Variants in CD99L2 observed in about 807,000 individuals in gnomAD.
CD99L2 encodes the protein CD99 antigen-like protein 2.
A neutral mutation model predicts 27.3 loss-of-function variants in CD99L2; 24 were observed. The observed-to-expected ratio is 0.88, with a 90% confidence interval of 0.64 to 1.24. The LOEUF (loss-of-function observed/expected upper bound fraction) is 1.24, where lower values mean the gene tolerates loss of function less well. Ranked by LOEUF, CD99L2 falls within the 50% of genes most tolerant of loss-of-function variation. The pLI is 0.00. For missense variants in CD99L2, 255 were observed against 221.6 expected, an observed-to-expected ratio of 1.15 and a Z score of -0.96; for synonymous variants, 97 against 87.9, an observed-to-expected ratio of 1.10 and a Z score of -0.58.
At chrX:150,820,470 G>T (rs1483259064) in intron 2 of CD99L2, among the ~76,000 whole-genome samples, 1 of 111,516 alleles carries the variant, frequency 9.0e-6, no homozygotes, top group African/African-American at 3.3e-5. Flanking sequence ...CATTTAGATG[G>T]TTTATTTTGG....
At chrX:150,852,891 G>A (rs2046814574) in intron 1 of CD99L2, among the ~76,000 whole-genome samples, 1 of 111,919 alleles carries the variant, frequency 8.9e-6, no homozygotes, top group South Asian at 3.7e-4. Context: ...TTCACTTTTT[G>A]CTATAATTAT....
Position 150,882,006 on chromosome X carries a change from C to T in CD99L2, c.67+16516G>A, listed in dbSNP as rs782543842. On this transcript the variant is annotated intron_variant, in intron 1 of 10. Transcript: ENST00000370377. ...CTAATTTTTATACTTTTAATAGAGA[C>T]GGGGTTTCACCATGTTGGCCAGGAT... 1.1e-4 allele frequency among the ~76,000 whole-genome samples: 12 copies of T among 109,965 alleles called. No homozygotes were observed. The East Asian group carries it at 2.9e-3, about 26-fold the overall frequency.
At chrX:150,888,874 GTC>G (rs782110150) in intron 1 of CD99L2, among the ~76,000 whole-genome samples, 1 of 111,914 alleles carries the variant, frequency 8.9e-6, no homozygotes, top group Admixed American at 9.5e-5. Flanking sequence ...CCTAGCTGAG[GTC>G]CTAGATACAG....
At chrX:150,834,744 A>G (rs1287432961) in intron 1 of CD99L2, among the ~76,000 whole-genome samples, 2 of 112,199 alleles carry the variant, frequency 1.8e-5, no homozygotes, top group Non-Finnish European at 3.8e-5. Flanking sequence ...GTGTATTAAT[A>G]TCCAAAGGAA....
intron 7 of CD99L2, among the ~76,000 whole-genome samples, chrX:150,793,164 A>G (rs1021082551): frequency 8.9e-6 from 1 of 112,695 alleles, no homozygotes; most frequent in Non-Finnish European, 1.9e-5. Context: ...TTTGACAATG[A>G]CTATGGTTAT....
At chrX:150,788,681 T>A (rs1270184334) in intron 7 of CD99L2, among the ~76,000 whole-genome samples, 2 of 111,815 alleles carry the variant, frequency 1.8e-5, no homozygotes, top group Non-Finnish European at 3.8e-5. Context: ...TAAAAACAGC[T>A]TGAGTCCACG....
intron 7 of CD99L2, among the ~76,000 whole-genome samples, chrX:150,778,859 A>C (rs782602152): frequency 1.4e-4 from 15 of 109,136 alleles, no homozygotes; most frequent in South Asian, 4.0e-4. Flanking sequence ...CAAAAAAAAA[A>C]CAAAAAAATA....
At chrX:150,805,797 A>C (rs2124156330) in intron 4 of CD99L2, among the ~76,000 whole-genome samples, 1 of 111,947 alleles carries the variant, frequency 8.9e-6, no homozygotes, top group Non-Finnish European at 1.9e-5. Context: ...GTCCCAAAAC[A>C]GTATATACTC....
chrX:150,810,104 C>T (rs2046051367), intron 4 of CD99L2, among the ~76,000 whole-genome samples: 1 of 111,880 alleles, frequency 8.9e-6, no homozygotes, highest in East Asian at 2.8e-4. Flanking sequence ...CAATAACTAT[C>T]GAAATCGAAG....
chrX:150,772,982 G>A (rs150780416), intron 9 of CD99L2, among the ~76,000 whole-genome samples: 308 of 112,422 alleles, frequency 2.7e-3, no homozygotes, highest in Middle Eastern at 0.014. Flanking sequence ...GATCCAATTC[G>A]CAAAACCTCA....
At chrX:150,827,466 A>G (rs2046383734) in intron 2 of CD99L2, among the ~76,000 whole-genome samples, 1 of 111,717 alleles carries the variant, frequency 9.0e-6, no homozygotes, top group Non-Finnish European at 1.9e-5. Context: ...GGGATTTTAT[A>G]TATTAAAAAG....
chrX:150,898,444 C>T (rs782216891), intron 1 of CD99L2, 78 bp downstream of exon 1: 82 of 841,107 alleles, frequency 9.7e-5, no homozygotes, highest in Admixed American at 1.1e-4. Flanking sequence ...GGGACCGTGC[C>T]GCTCATGCGC....
rs1000296065 is a variant in CD99L2, at chrX:150,845,741, A to C, written c.68-14448T>G. Among the ~76,000 whole-genome samples, 3 of 111,871 alleles carry C rather than the reference A, an allele frequency of 2.7e-5. No individual in the cohort carries two copies. The Admixed American group carries it at 2.8e-4, about 11-fold the overall frequency. On this transcript the variant is annotated intron_variant, in intron 1 of 10. Transcript: ENST00000370377. ...GTCATACCTGATTACTCCTCCTCCC[A>C]TGGTATAAGGTGGATGGCATGATAG...
At chrX:150,769,148 C>G (rs782220259) in intron 10 of CD99L2, 47 bp from the exon 11 acceptor site, 68 of 1,127,330 alleles carry the variant, frequency 6.0e-5, no homozygotes, top group Non-Finnish European at 7.9e-5. Context: ...CTGTCTTGCA[C>G]AGAAGAAGCA....
intron 7 of CD99L2, among the ~76,000 whole-genome samples, chrX:150,792,783 G>C (rs1047118312): frequency 8.9e-6 from 1 of 112,001 alleles, no homozygotes; most frequent in African/African-American, 3.2e-5. Context: ...TTACAATCAC[G>C]ACAGGTTACA....
At chrX:150,866,609 T>C (rs1453068031) in intron 1 of CD99L2, among the ~76,000 whole-genome samples, 2 of 111,667 alleles carry the variant, frequency 1.8e-5, no homozygotes, top group African/African-American at 3.3e-5. Context: ...TGCAAAAATA[T>C]AGTTAGAAAG....
intron 1 of CD99L2, among the ~76,000 whole-genome samples, chrX:150,888,676 T>G (rs1192643690): frequency 8.9e-6 from 1 of 112,701 alleles, no homozygotes; most frequent in Admixed American, 9.4e-5. Context: ...TCTACTGGAA[T>G]GTTCATGCTT....
At chrX:150,835,567 T>C (rs2046514345) in intron 1 of CD99L2, among the ~76,000 whole-genome samples, 1 of 110,928 alleles carries the variant, frequency 9.0e-6, no homozygotes, top group Non-Finnish European at 1.9e-5. Context: ...TTTAACTGTC[T>C]TTGTATGAAA....
intron 1 of CD99L2, among the ~76,000 whole-genome samples, chrX:150,836,723 T>C (rs1386594525): frequency 8.9e-6 from 1 of 111,817 alleles, no homozygotes; most frequent in South Asian, 3.7e-4. Context: ...GCAAACATCA[T>C]AGGGTGTCCT....
Sources: gnomAD v4.1 joint callset for allele counts (sites outside exome capture counted in the v4.1 genomes callset) on GRCh38, gnomAD v4.1.1 for gene constraint, MANE v1.5 for transcripts, NCBI Gene and HGNC (gene_info 2026-07-23, HGNC 2026-07-21) for gene names.